The following NOS1 variants were observed in gnomAD, a reference collection of about 807,000 sequenced individuals.
NOS1 encodes the protein nitric oxide synthase 1, also known as NOS type I.
Under a neutral mutation model 164.5 loss-of-function variants are expected in NOS1, and 51 were observed. The observed-to-expected ratio is 0.31, with a 90% confidence interval of 0.25 to 0.39. The LOEUF is 0.39. Among genes scored for constraint, NOS1 ranks in the 10% least tolerant of loss-of-function variants. The pLI, the probability that NOS1 is intolerant of heterozygous loss-of-function variation, is 1.00. For synonymous variants in NOS1, 719 were observed against 745.8 expected (o/e 0.96, Z 0.59); for missense variants, 1,362 against 1,885.6 (o/e 0.72, Z 5.14).
rs1872839403 is a variant in NOS1 at position 117,272,209 on chromosome 12, ATTG to A, written c.1839+173_1839+175del. Among the ~76,000 whole-genome samples, 1 of 152,058 alleles carries A rather than the reference ATTG, an allele frequency of 6.6e-6. No individual in the cohort carries two copies. The highest frequency in any genetic ancestry group is 2.1e-4 in the South Asian group (1 of 4,818). ...TATGTGCGTGTTTGCTGTTATTTTC[ATTG>A]TTGTTAAAGACATGGATGCCCCTGG... On this transcript the variant is annotated intron_variant, in intron 10 of 28. Transcript: ENST00000317775. This position sits in a 1 kb window ranked among gnomAD's most constrained non-coding sequence, Gnocchi z 4.3.
chr12:117,355,134 C>G (rs1034081353), intron 1 of NOS1, among the ~76,000 whole-genome samples: 4 of 152,152 alleles, frequency 2.6e-5, no homozygotes, highest in African/African-American at 9.7e-5. Context: ...CAGGGCACCT[C>G]TGAAAATCTG....
intron 25 of NOS1, among the ~76,000 whole-genome samples, chr12:117,223,798 A>T (rs1868404799): frequency 6.6e-6 from 1 of 151,584 alleles, no homozygotes; most frequent in Non-Finnish European, 1.5e-5. Context: ...TGGATTACAG[A>T]TGTGTGCCAC....
intron 7 of NOS1, among the ~76,000 whole-genome samples, chr12:117,283,056 A>ATATATTT (rs1360367568): frequency 1.1e-5 from 1 of 92,954 alleles, no homozygotes; most frequent in African/African-American, 3.6e-5. Context: ...ATATATATAT[A>ATATATTT]TTTTTTTTTT....
chr12:117,210,243 A>G lies in NOS1; in HGVS notation c.*5066T>C. ...TGATCCTCCCACCTCAGTCTCCCAAAGTGCTATTACAGGCATGAACCACCA... is the reference window on the plus strand; with the variant it reads ...TGATCCTCCCACCTCAGTCTCCCAAGGTGCTATTACAGGCATGAACCACCA... On this transcript the variant is annotated 3_prime_UTR_variant, in exon 29 of 29. Coordinates refer to ENST00000317775, the MANE Select transcript of NOS1 (RefSeq NM_000620.5). The G allele has an allele frequency of 1.0e-6, 1 of 965,814 alleles. No homozygotes were observed. Among genetic ancestry groups the G allele is most frequent in the South Asian group, 4.8e-5 (1 of 20,864 alleles). 59.8% of individuals were successfully genotyped at this position (965,814 alleles called of 1,614,324 possible).
At chr12:117,281,101 C>T (rs1873613940) in intron 7 of NOS1, among the ~76,000 whole-genome samples, 1 of 152,174 alleles carries the variant, frequency 6.6e-6, no homozygotes, top group South Asian at 2.1e-4. Context: ...CCCATGCCAC[C>T]ATGCTGAAGG....
At chr12:117,245,586 A>G (rs1413931492) in intron 18 of NOS1, 1 of 152,882 alleles carries the variant, frequency 6.5e-6, no homozygotes, top group Non-Finnish European at 1.5e-5. Context: ...AATTTCAGGT[A>G]TAACTGGGGA....
chr12:117,346,381 G>C (rs1358810269), intron 1 of NOS1, among the ~76,000 whole-genome samples: 1 of 152,186 alleles, frequency 6.6e-6, no homozygotes, highest in African/African-American at 2.4e-5. Flanking sequence ...TGAGGCAGGA[G>C]AATGGCTTTA....
chr12:117,354,898 G>A (rs756308185), intron 1 of NOS1, among the ~76,000 whole-genome samples: 18 of 152,208 alleles, frequency 1.2e-4, no homozygotes, highest in South Asian at 2.1e-4. Flanking sequence ...AAATGCTTTA[G>A]CTGGGAAACG....
chr12:117,340,871 C>CTTT (rs775978271), intron 1 of NOS1, among the ~76,000 whole-genome samples: 29 of 96,428 alleles, frequency 3.0e-4, no homozygotes, highest in East Asian at 8.2e-4. Context: ...TCACACCTGG[C>CTTT]TATTTTTTTT....
Position 117,303,103 on chromosome 12 carries a change from C to T in NOS1, c.852+8363G>A, listed in dbSNP as rs150894383. Among the ~76,000 whole-genome samples, 720 of 152,228 alleles carry T rather than the reference C, an allele frequency of 4.7e-3. 7 individuals carry two copies. Among genetic ancestry groups the T allele is most frequent in the African/African-American group, 0.014 (588 of 41,538 alleles). On this transcript the variant is annotated intron_variant, in intron 3 of 28. Coordinates refer to ENST00000317775, the MANE Select transcript of NOS1 (RefSeq NM_000620.5). Reference sequence around the variant, plus strand: ...ACCGTAAGGCTGATTTAGAAGGCTTCCTGGTGAGCATGCTAGGTTGTCTCC... The same window carrying T: ...ACCGTAAGGCTGATTTAGAAGGCTTTCTGGTGAGCATGCTAGGTTGTCTCC...
intron 27 of NOS1, among the ~76,000 whole-genome samples, chr12:117,219,002 A>G (rs1440793670): frequency 6.8e-6 from 1 of 148,040 alleles, no homozygotes; most frequent in Non-Finnish European, 1.5e-5. Flanking sequence ...TTTTTGAGAC[A>G]GAGTCTCGCT....
rs76329498 is a variant in NOS1, at chr12:117,283,403, A to G, written c.1382+1838T>C. ...TATACAGTTCTCATCGCTTTCAGAC[A>G]TGAGGGTTAAAAACTATAGAAAGAA... On this transcript the variant is annotated intron_variant, in intron 7 of 28. Coordinates refer to ENST00000317775, the MANE Select transcript of NOS1 (RefSeq NM_000620.5). 6.9e-3 allele frequency among the ~76,000 whole-genome samples: 1,049 copies of G among 152,272 alleles called. 73 individuals are homozygous for G. In the East Asian group the frequency reaches 0.17, roughly 25 times the overall value.
intron 13 of NOS1, among the ~76,000 whole-genome samples, chr12:117,261,461 G>A (rs1263361895): frequency 6.6e-6 from 1 of 152,120 alleles, no homozygotes; most frequent in Non-Finnish European, 1.5e-5. Context: ...ATTCTAATGT[G>A]TGTGTGTATG....
chr12:117,297,925 TACA>T (rs1218984052), intron 3 of NOS1, among the ~76,000 whole-genome samples: 2 of 152,036 alleles, frequency 1.3e-5, no homozygotes, highest in African/African-American at 4.8e-5. Flanking sequence ...CTCCAAGACA[TACA>T]ACATCTTAGG....
chr12:117,253,315 T>C (rs572592261), intron 17 of NOS1, among the ~76,000 whole-genome samples: 1 of 152,238 alleles, frequency 6.6e-6, no homozygotes, highest in East Asian at 1.9e-4. Context: ...ACACCGTAGC[T>C]ATTGGGAAGG....
At chr12:117,229,675 G>A (rs1000642977) in intron 22 of NOS1, among the ~76,000 whole-genome samples, 10 of 151,110 alleles carry the variant, frequency 6.6e-5, no homozygotes, top group South Asian at 4.2e-4. Flanking sequence ...TGCAACCTCC[G>A]TCTCCTGGGT....
At chr12:117,284,673 G>A (rs1017823847) in intron 7 of NOS1, among the ~76,000 whole-genome samples, 3 of 152,310 alleles carry the variant, frequency 2.0e-5, no homozygotes, top group Non-Finnish European at 2.9e-5. Flanking sequence ...TGGGTTGAAC[G>A]TGATGTTTGC....
chr12:117,253,885 A>C, intron 16 of NOS1, 131 bp from the exon 17 acceptor site: 2 of 650,144 alleles, frequency 3.1e-6, no homozygotes, highest in Non-Finnish European at 5.6e-6. Flanking sequence ...AAACCATAAC[A>C]CTCCCATGGC....
chr12:117,211,454 A>G lies in NOS1; in HGVS notation c.*3855T>C, dbSNP rs1048559986. On this transcript the variant is annotated 3_prime_UTR_variant, in exon 29 of 29. Transcript: ENST00000317775. ...GTGGCCAGAACTTTCTTTTCCAAGT[A>G]TAACTCCAATCGCCTTAATGTCCCT... 1 of 984,952 alleles carries G rather than the reference A, an allele frequency of 1.0e-6. No individual in the cohort carries two copies. Among genetic ancestry groups the G allele is most frequent in the Non-Finnish European group, 1.2e-6 (1 of 829,678 alleles). The allele number at this position is 984,952 out of a possible 1,614,324, so 61.0% of individuals were successfully genotyped here.
Sources: allele counts gnomAD v4.1 joint callset (sites outside exome capture counted in the v4.1 genomes callset), GRCh38; gene constraint gnomAD v4.1.1; non-coding constraint Gnocchi (gnomAD v3.1); transcripts MANE v1.5; gene names NCBI Gene and HGNC (gene_info 2026-07-23, HGNC 2026-07-21).